ALK: variants seen among roughly 807,000 people sequenced by gnomAD.
ALK encodes ALK receptor tyrosine kinase, also known as ALK tyrosine kinase receptor.
A neutral mutation model predicts 163.1 loss-of-function variants in ALK; 74 were observed. The ratio of observed to expected loss-of-function variants is 0.45; its 90% CI spans 0.38 to 0.55. ALK has a LOEUF of 0.55. ALK is among the 20% of genes least tolerant of loss of function. The pLI is 0.00. For synonymous variants in ALK, 960 were observed against 843.2 expected, an observed-to-expected ratio of 1.14 and a Z score of -2.40; for missense variants, 2,063 against 2,105.3, an observed-to-expected ratio of 0.98 and a Z score of 0.39.
At chr2:29,649,756 T>C (rs1676988628) in intron 3 of ALK, among the ~76,000 whole-genome samples, 1 of 152,132 alleles carries the variant, frequency 6.6e-6, no homozygotes, top group African/African-American at 2.4e-5. Context: ...GCCTGGCTTG[T>C]GGACTCTGTC....
Position 29,275,197 on chromosome 2 carries a change from G to A in ALK, c.1943C>T (p.Thr648Ile), listed in dbSNP as rs116202066. 4.2e-4 allele frequency: 685 copies of A among 1,614,170 alleles called. 4 individuals are homozygous for A. In the African/African-American group the frequency reaches 8.2e-3, roughly 19 times the overall value. The change falls in exon 11 of 29, where the codon ACA becomes ATA. Residue 648 changes from threonine to isoleucine, a missense_variant. Coordinates refer to ENST00000389048, the MANE Select transcript of ALK (RefSeq NM_004304.5). ...ISGEDKILQN[T>I]APKSRNLFER... Reference sequence around the variant, plus strand: ...AAACAGGTTTCTTGATTTGGGTGCTGTATTCTGCAGGATCTTGTCCTCTCC... The same window carrying A: ...AAACAGGTTTCTTGATTTGGGTGCTATATTCTGCAGGATCTTGTCCTCTCC...
At chr2:29,627,786 T>A (rs1676239337) in intron 3 of ALK, among the ~76,000 whole-genome samples, 1 of 152,240 alleles carries the variant, frequency 6.6e-6, no homozygotes, top group Non-Finnish European at 1.5e-5. Context: ...CATCTTTCTG[T>A]CAGGCTGCAG....
Position 29,717,621 on chromosome 2 carries a change from T to C in ALK, c.744A>G (p.Ile248Met), listed in dbSNP as rs1573580109. ...ACAGGAAAGGGAAGGAGTCTTTCAT[T>C]ATCCAGGTGAGATTCCATGTAAAAT... ...PDYFTWNLTW[I>M]MKDSFPFLSH... The change falls in exon 2 of 29, where the codon ATA becomes ATG. Residue 248 changes from isoleucine to methionine, a missense_variant. By Grantham distance (10) the Ile-to-Met change is conservative (BLOSUM62 1). Coordinates refer to ENST00000389048, the MANE Select transcript of ALK (RefSeq NM_004304.5). 6.2e-7 allele frequency: 1 copy of C among 1,614,060 alleles called. No individual in the cohort carries two copies. Among genetic ancestry groups the C allele is most frequent in the East Asian group, 2.2e-5 (1 of 44,880 alleles).
At chr2:29,207,314 G>T (rs746426723) in intron 25 of ALK, 42 bp from the exon 26 acceptor site, 1 of 1,480,048 alleles carries the variant, frequency 6.8e-7, no homozygotes, top group East Asian at 2.3e-5. Context: ...ATCTGGAGAT[G>T]GCATTAAGCA....
intron 4 of ALK, among the ~76,000 whole-genome samples, chr2:29,523,844 G>C (rs1672878921): frequency 7.1e-6 from 1 of 141,300 alleles, no homozygotes; most frequent in Admixed American, 7.2e-5. Flanking sequence ...GGTCAGAACT[G>C]GCAGAAGCTG....
intron 4 of ALK, among the ~76,000 whole-genome samples, chr2:29,507,715 C>T (rs1672373841): frequency 6.6e-6 from 1 of 152,064 alleles, no homozygotes; most frequent in Admixed American, 6.5e-5. Flanking sequence ...GAGTTGAACA[C>T]AAACAAATCT....
intron 3 of ALK, among the ~76,000 whole-genome samples, chr2:29,572,493 C>T (rs1377018652): frequency 6.6e-6 from 1 of 152,174 alleles, no homozygotes; most frequent in Non-Finnish European, 1.5e-5. Flanking sequence ...GGCGACTTGT[C>T]ACTTGCCCTG....
At chr2:29,284,090 G>A (rs1391757064) in intron 9 of ALK, among the ~76,000 whole-genome samples, 9 of 152,168 alleles carry the variant, frequency 5.9e-5, no homozygotes, top group Non-Finnish European at 7.3e-5. Context: ...TGAGAGAGAA[G>A]TCAAGAAAGA....
intron 1 of ALK, among the ~76,000 whole-genome samples, chr2:29,809,387 AGC>A (rs1354802591): frequency 2.0e-5 from 3 of 152,234 alleles, no homozygotes; most frequent in Non-Finnish European, 4.4e-5. Flanking sequence ...TCATCCTAAT[AGC>A]AAGTAATAAG....
chr2:29,566,472 G>A (rs1209500195), intron 3 of ALK, among the ~76,000 whole-genome samples: 2 of 152,188 alleles, frequency 1.3e-5, no homozygotes, highest in African/African-American at 4.8e-5. Flanking sequence ...GTACACTCAT[G>A]TGTTGTTAAG....
At chr2:29,821,368 T>G (rs191288263) in intron 1 of ALK, among the ~76,000 whole-genome samples, 1 of 151,970 alleles carries the variant, frequency 6.6e-6, no homozygotes, top group African/African-American at 2.4e-5. Context: ...TCATCTCCCC[T>G]CCCCTCAAGG....
intron 1 of ALK, among the ~76,000 whole-genome samples, chr2:29,742,244 G>C (rs747327459): frequency 1.3e-5 from 2 of 152,198 alleles, no homozygotes; most frequent in Non-Finnish European, 2.9e-5. Flanking sequence ...TCCTAAGGCA[G>C]GCTTGCTGAT....
chr2:29,596,107 C>T (rs1445896257), intron 3 of ALK, among the ~76,000 whole-genome samples: 1 of 152,194 alleles, frequency 6.6e-6, no homozygotes, highest in Non-Finnish European at 1.5e-5. Flanking sequence ...AATGTTAGCT[C>T]CTCTCCCTAA....
At position 29,825,182 on chromosome 2, in the gene ALK, T is replaced by C. The variant is rs545265507; in HGVS notation, c.667+94811A>G. Among the ~76,000 whole-genome samples the C allele has an allele frequency of 2.6e-5, 4 of 152,326 alleles. No individual in the cohort carries two copies. The South Asian group carries it at 8.3e-4, about 32-fold the overall frequency. On this transcript the variant is annotated intron_variant, in intron 1 of 28. Coordinates refer to ENST00000389048, the MANE Select transcript of ALK (RefSeq NM_004304.5). ...GAGGTCTCCCCAGCCATGTGGAAATTTACGTCCATTAAACTTCTTTGTTTT... is the reference window on the plus strand; with the variant it reads ...GAGGTCTCCCCAGCCATGTGGAAATCTACGTCCATTAAACTTCTTTGTTTT...
intron 1 of ALK, among the ~76,000 whole-genome samples, chr2:29,763,678 G>C (rs897150137): frequency 9.2e-5 from 14 of 152,130 alleles, no homozygotes; most frequent in African/African-American, 3.4e-4. Context: ...CGAGGATTGA[G>C]GGTGCTGTCC....
At chr2:29,499,567 C>A (rs1380840887) in intron 4 of ALK, among the ~76,000 whole-genome samples, 3 of 152,126 alleles carry the variant, frequency 2.0e-5, no homozygotes, top group Non-Finnish European at 4.4e-5. Context: ...TACTTTTCTC[C>A]CACACATCTC....
intron 1 of ALK, among the ~76,000 whole-genome samples, chr2:29,812,746 C>T (rs1664790277): frequency 6.6e-6 from 1 of 152,136 alleles, no homozygotes; most frequent in Non-Finnish European, 1.5e-5. Context: ...CTTCTGAGGA[C>T]CCACCATCCA....
At chr2:29,754,691 A>AAATAATAAT (rs538943293) in intron 1 of ALK, among the ~76,000 whole-genome samples, 1 of 151,508 alleles carries the variant, frequency 6.6e-6, no homozygotes, top group African/African-American at 2.4e-5. Flanking sequence ...CCCTGTCTCA[A>AAATAATAAT]AATAATAATA....
Position 29,686,049 on chromosome 2 carries a change from A to G in ALK, c.952+8801T>C, listed in dbSNP as rs923371308. 2.0e-5 allele frequency among the ~76,000 whole-genome samples: 3 copies of G among 152,226 alleles called. No homozygotes were observed. The South Asian group carries it at 6.2e-4, about 32-fold the overall frequency. Reference sequence around the variant, plus strand: ...AGGTCCCCTGTGATTCCACTGGGTCAACCCAGATCATCCAAGACAATCTCA... The same window carrying G: ...AGGTCCCCTGTGATTCCACTGGGTCGACCCAGATCATCCAAGACAATCTCA... On this transcript the variant is annotated intron_variant, in intron 3 of 28. Transcript: ENST00000389048.
Sources: gnomAD v4.1 joint callset for allele counts (sites outside exome capture counted in the v4.1 genomes callset) on GRCh38, gnomAD v4.1.1 for gene constraint, MANE v1.5 for transcripts, NCBI Gene and HGNC (gene_info 2026-07-23, HGNC 2026-07-21) for gene names.